TASP1: variants seen among roughly 807,000 people sequenced by gnomAD.
TASP1 encodes threonine aspartase 1.
In TASP1, 16 loss-of-function variants were observed where a neutral mutation model predicts 56.6. The observed-to-expected ratio is 0.28, with a 90% CI of 0.19 to 0.43. The LOEUF is 0.43. TASP1 is among the 20% of genes least tolerant of loss of function. TASP1 has a pLI of 1.00. For missense variants in TASP1, 393 were observed against 511.6 expected (o/e 0.77, Z 2.24); for synonymous variants, 179 against 184.2 (o/e 0.97, Z 0.23).
chr20:13,284,606 T>C, the TASP1 span, among the ~76,000 whole-genome samples: 1 of 152,328 alleles, frequency 6.6e-6, no homozygotes, highest in South Asian at 2.1e-4. Flanking sequence ...GAAATGCCCG[T>C]TCTGTTCTTT....
chr20:13,636,398 G>A (rs1173439165), intron 1 of TASP1, among the ~76,000 whole-genome samples: 1 of 148,098 alleles, frequency 6.8e-6, no homozygotes, highest in African/African-American at 2.5e-5. Context: ...GACCTCAAAT[G>A]ATCCGCCTGC....
At chr20:13,469,559 AAGGAAGAAGAG>A (rs2044393132) in intron 11 of TASP1, among the ~76,000 whole-genome samples, 4 of 152,132 alleles carry the variant, frequency 2.6e-5, no homozygotes, top group Admixed American at 6.6e-5. Flanking sequence ...TGTAAGAAGA[AAGGAAGAAGAG>A]AAAAATAATT....
At chr20:13,570,884 G>GA (rs1329897478) in intron 6 of TASP1, among the ~76,000 whole-genome samples, 17 of 150,088 alleles carry the variant, frequency 1.1e-4, no homozygotes, top group East Asian at 7.8e-4. Context: ...CTTCTTCTAG[G>GA]AAAAAAAAAC....
the TASP1 span, among the ~76,000 whole-genome samples, chr20:13,284,568 C>T: frequency 6.6e-6 from 1 of 152,212 alleles, no homozygotes; most frequent in Non-Finnish European, 1.5e-5. Flanking sequence ...CAGAAAGGAG[C>T]ACTGCCCTCA....
At chr20:13,518,352 A>G (rs916997289) in intron 10 of TASP1, among the ~76,000 whole-genome samples, 8 of 152,234 alleles carry the variant, frequency 5.3e-5, no homozygotes, top group Non-Finnish European at 7.4e-5. Flanking sequence ...CAGCGTCTGG[A>G]TCATTCCTCA....
At chr20:13,397,840 C>T (rs1327787226) in intron 13 of TASP1, among the ~76,000 whole-genome samples, 1 of 152,108 alleles carries the variant, frequency 6.6e-6, no homozygotes, top group Non-Finnish European at 1.5e-5. Context: ...CTGATTTTGA[C>T]ATTCTACGGA....
intron 4 of TASP1, among the ~76,000 whole-genome samples, chr20:13,597,215 C>A (rs140392869): frequency 6.6e-6 from 1 of 152,092 alleles, no homozygotes; most frequent in Admixed American, 6.5e-5. Context: ...CAAAGCCTGG[C>A]GGAGACACAA....
the TASP1 span, among the ~76,000 whole-genome samples, chr20:13,186,649 CAG>C: frequency 1.3e-5 from 2 of 152,176 alleles, no homozygotes; most frequent in African/African-American, 2.4e-5. Context: ...TTACAGCTGA[CAG>C]AGTCTTTCTA....
the TASP1 span, among the ~76,000 whole-genome samples, chr20:13,108,392 C>T: frequency 6.6e-6 from 1 of 152,072 alleles, no homozygotes; most frequent in Non-Finnish European, 1.5e-5. Flanking sequence ...TTGGGGGAAG[C>T]CCTAAAACAG....
chr20:13,401,621 A>C (rs982345297), intron 13 of TASP1, among the ~76,000 whole-genome samples: 3 of 152,274 alleles, frequency 2.0e-5, no homozygotes, highest in Non-Finnish European at 4.4e-5. Flanking sequence ...GTAAGTTAAC[A>C]TGAAATAACA....
chr20:13,631,054 T>C (rs2049069334), intron 1 of TASP1, among the ~76,000 whole-genome samples: 1 of 152,176 alleles, frequency 6.6e-6, no homozygotes, highest in African/African-American at 2.4e-5. Context: ...ATTTGTATTT[T>C]ACATAAGTAT....
intron 8 of TASP1, among the ~76,000 whole-genome samples, chr20:13,555,390 A>T (rs2147043009): frequency 6.6e-6 from 1 of 151,442 alleles, no homozygotes; most frequent in Admixed American, 6.6e-5. Flanking sequence ...TCTAAAAAAA[A>T]AAAAAAAAAA....
chr20:13,544,156 C>A (rs985236838), intron 8 of TASP1, among the ~76,000 whole-genome samples: 4 of 152,168 alleles, frequency 2.6e-5, no homozygotes, highest in Non-Finnish European at 1.5e-5. Flanking sequence ...AAGCCTCTCA[C>A]TTTATCTGTA....
At chr20:13,620,414 T>C (rs1346942274) in intron 4 of TASP1, among the ~76,000 whole-genome samples, 2 of 152,194 alleles carry the variant, frequency 1.3e-5, no homozygotes, top group African/African-American at 4.8e-5. Context: ...TTTTTAAATA[T>C]ACAGCCAGAT....
intron 11 of TASP1, among the ~76,000 whole-genome samples, chr20:13,444,791 A>AGTTTC (rs1156478010): frequency 3.3e-5 from 5 of 152,184 alleles, no homozygotes; most frequent in Non-Finnish European, 7.3e-5. Context: ...CCTTAGGCAT[A>AGTTTC]TGGAGGTAAA....
At chr20:13,242,455 T>C in the TASP1 span, among the ~76,000 whole-genome samples, 5 of 152,256 alleles carry the variant, frequency 3.3e-5, no homozygotes, top group South Asian at 6.2e-4. Flanking sequence ...GTTGAGGGGA[T>C]GTTCAGAGAA....
chr20:13,164,477 G>C, the TASP1 span: 4 of 528,614 alleles, frequency 7.6e-6, no homozygotes, highest in Middle Eastern at 3.3e-4. Context: ...GGTAAGCATG[G>C]GTCACATGTT....
chr20:13,254,234 AAAATAAAT>A, the TASP1 span, among the ~76,000 whole-genome samples: 2 of 150,812 alleles, frequency 1.3e-5, no homozygotes, highest in African/African-American at 4.9e-5. Context: ...CTCCATCTCA[AAAATAAAT>A]AAATAAATAA....
chr20:13,515,149 G>C (rs982184241), intron 10 of TASP1, among the ~76,000 whole-genome samples: 3 of 151,976 alleles, frequency 2.0e-5, no homozygotes, highest in African/African-American at 7.2e-5. Context: ...ACAGGAATTG[G>C]TATATTCCAT....
Sources: gnomAD v4.1 joint callset for allele counts (sites outside exome capture counted in the v4.1 genomes callset) on GRCh38, gnomAD v4.1.1 for gene constraint, MANE v1.5 for transcripts, NCBI Gene and HGNC (gene_info 2026-07-23, HGNC 2026-07-21) for gene names.